Variants in MAGI2 observed in about 807,000 individuals in gnomAD.
MAGI2 encodes the protein membrane associated guanylate kinase, WW and PDZ domain containing 2.
A neutral mutation model predicts 133.3 loss-of-function variants in MAGI2; 35 were observed. The observed-to-expected ratio is 0.26, with a 90% CI of 0.20 to 0.35. The LOEUF is 0.35. MAGI2 is among the 10% of genes least tolerant of loss of function. The pLI, the probability that MAGI2 is intolerant of heterozygous loss-of-function variation, is 1.00. For missense variants in MAGI2, 1,636 were observed against 1,863.4 expected (o/e 0.88, Z 2.25); for synonymous variants, 729 against 710.6 (o/e 1.03, Z -0.41).
chr7:78,936,950 G>T (rs1177235692), intron 2 of MAGI2, among the ~76,000 whole-genome samples: 1 of 151,824 alleles, frequency 6.6e-6, no homozygotes, highest in African/African-American at 2.4e-5. Flanking sequence ...TACTGAAAGG[G>T]CCCAGAAACA....
At chr7:78,113,377 A>G (rs545583922) in intron 20 of MAGI2, among the ~76,000 whole-genome samples, 1 of 152,264 alleles carries the variant, frequency 6.6e-6, no homozygotes, top group African/African-American at 2.4e-5. Flanking sequence ...TGACATACAT[A>G]CTTACTTAAA....
chr7:78,087,804 G>A (rs1031854192), intron 20 of MAGI2, among the ~76,000 whole-genome samples: 10 of 152,188 alleles, frequency 6.6e-5, no homozygotes, highest in Non-Finnish European at 1.5e-5. Flanking sequence ...AGAAATAACT[G>A]CAAGTGTGGC....
chr7:78,488,801 T>C (rs1001509471), intron 6 of MAGI2, among the ~76,000 whole-genome samples: 1 of 152,068 alleles, frequency 6.6e-6, no homozygotes, highest in African/African-American at 2.4e-5. Flanking sequence ...CATAGGAATG[T>C]GGACAGTATC....
At position 78,017,615 on chromosome 7, in the gene MAGI2, T is replaced by C. The variant is rs750172508; in HGVS notation, c.*1700A>G. ...CAAGTGTTTGTGCTTTTGTTTACGA[T>C]GAATGGGTTTCATTTTTGGAAATTG... On this transcript the variant is annotated 3_prime_UTR_variant, in exon 22 of 22. Coordinates refer to ENST00000354212, the MANE Select transcript of MAGI2 (RefSeq NM_012301.4). 113 of 152,774 alleles carry C rather than the reference T, an allele frequency of 7.4e-4. 1 individual carries two copies. The highest frequency in any genetic ancestry group is 3.4e-3 in the Middle Eastern group (1 of 294). 9.5% of individuals were successfully genotyped at this position (152,774 alleles called of 1,614,324 possible). A position where few individuals can be genotyped will look rare whatever the true frequency, so the allele number is the denominator to read the frequency against.
intron 1 of MAGI2, among the ~76,000 whole-genome samples, chr7:79,242,053 A>G (rs1349072522): frequency 6.6e-6 from 1 of 152,214 alleles, no homozygotes; most frequent in South Asian, 2.1e-4. Context: ...CTAGCACTGC[A>G]TTAATTAAGC....
At chr7:78,170,559 T>C (rs1165953985) in intron 14 of MAGI2, 1 of 152,152 alleles carries the variant, frequency 6.6e-6, no homozygotes, top group Non-Finnish European at 1.5e-5. Flanking sequence ...GCTTCCATTC[T>C]AGTGGTCAGA....
At chr7:78,572,068 TACA>T (rs111265482) in intron 3 of MAGI2, among the ~76,000 whole-genome samples, 13 of 152,276 alleles carry the variant, frequency 8.5e-5, no homozygotes, top group Admixed American at 2.6e-4. Context: ...TGGTTTCTAA[TACA>T]ACAAATTAAA....
intron 6 of MAGI2, among the ~76,000 whole-genome samples, chr7:78,449,965 C>G (rs1490404388): frequency 6.6e-6 from 1 of 152,070 alleles, no homozygotes; most frequent in Non-Finnish European, 1.5e-5. Context: ...AGGATTACAT[C>G]TATAGCAGCA....
At chr7:78,291,170 C>CTGAT (rs949032527) in intron 9 of MAGI2, among the ~76,000 whole-genome samples, 7 of 152,014 alleles carry the variant, frequency 4.6e-5, no homozygotes, top group African/African-American at 1.2e-4. Context: ...ATCAACAAAA[C>CTGAT]TGATAGACCG....
intron 2 of MAGI2, among the ~76,000 whole-genome samples, chr7:78,705,338 G>A (rs1226769738): frequency 6.6e-6 from 1 of 152,016 alleles, no homozygotes; most frequent in Non-Finnish European, 1.5e-5. Flanking sequence ...TTTCCTCTTT[G>A]CCTTGTGCCA....
At chr7:79,047,033 A>AT (rs758146547) in intron 1 of MAGI2, among the ~76,000 whole-genome samples, 20 of 152,256 alleles carry the variant, frequency 1.3e-4, no homozygotes, top group Admixed American at 8.5e-4. Flanking sequence ...GAATGAATAT[A>AT]TTTTTTTAAA....
intron 1 of MAGI2, among the ~76,000 whole-genome samples, chr7:79,400,967 C>T (rs938410419): frequency 3.3e-5 from 5 of 152,176 alleles, no homozygotes; most frequent in African/African-American, 1.2e-4. Flanking sequence ...CATGGAGATA[C>T]ACAGGATTAG....
At chr7:78,765,829 G>C (rs1824968252) in intron 2 of MAGI2, among the ~76,000 whole-genome samples, 1 of 152,078 alleles carries the variant, frequency 6.6e-6, no homozygotes, top group Non-Finnish European at 1.5e-5. Context: ...CACCCGAGAA[G>C]TGTAATGAAG....
intron 2 of MAGI2, among the ~76,000 whole-genome samples, chr7:78,772,831 G>A (rs1825698069): frequency 6.6e-6 from 1 of 152,134 alleles, no homozygotes; most frequent in South Asian, 2.1e-4. Context: ...GTCGGCTTAG[G>A]CAAATTTAGA....
At chr7:78,862,630 T>G (rs1187191518) in intron 2 of MAGI2, among the ~76,000 whole-genome samples, 2 of 152,242 alleles carry the variant, frequency 1.3e-5, no homozygotes, top group Admixed American at 6.5e-5. Flanking sequence ...TAACCACTCA[T>G]GTTCTCTCAA....
At chr7:78,642,223 T>C (rs1346225274) in intron 2 of MAGI2, among the ~76,000 whole-genome samples, 2 of 152,212 alleles carry the variant, frequency 1.3e-5, no homozygotes, top group African/African-American at 4.8e-5. Flanking sequence ...ATATTTTATG[T>C]TTGATAGAAA....
At chr7:78,285,682 TA>T (rs1197752263) in intron 9 of MAGI2, 1 of 152,178 alleles carries the variant, frequency 6.6e-6, no homozygotes, top group Non-Finnish European at 1.5e-5. Flanking sequence ...CAGTGTTTCT[TA>T]AAGTTGAATG....
chr7:78,846,536 A>T (rs184492586), intron 2 of MAGI2, among the ~76,000 whole-genome samples: 58 of 152,104 alleles, frequency 3.8e-4, no homozygotes, highest in African/African-American at 1.3e-3. Flanking sequence ...TCTTGTGAAG[A>T]TAACATTGAT....
intron 2 of MAGI2, among the ~76,000 whole-genome samples, chr7:78,927,136 GAA>G (rs1011941156): frequency 2.0e-5 from 3 of 152,002 alleles, no homozygotes; most frequent in Non-Finnish European, 4.4e-5. Flanking sequence ...CTAAAGTGAT[GAA>G]AAGAGACTGA....
Sources: allele counts gnomAD v4.1 joint callset (sites outside exome capture counted in the v4.1 genomes callset), GRCh38; gene constraint gnomAD v4.1.1; transcripts MANE v1.5; gene names NCBI Gene and HGNC (gene_info 2026-07-23, HGNC 2026-07-21).